Variants in DSCAML1 observed in about 807,000 individuals in gnomAD.
DSCAML1 encodes DS cell adhesion molecule like 1, also known as cell adhesion molecule DSCAML1.
A neutral mutation model predicts 200.5 loss-of-function variants in DSCAML1; 38 were observed. The observed-to-expected ratio is 0.19, with a 90% confidence interval of 0.15 to 0.25. DSCAML1 has a LOEUF of 0.25. DSCAML1 is among the 10% of genes least tolerant of loss of function. The pLI is 1.00. For synonymous variants in DSCAML1, 1,215 were observed against 1,165.0 expected (o/e 1.04, Z -0.87); for missense variants, 2,223 against 2,858.8 (o/e 0.78, Z 5.07).
intron 3 of DSCAML1, among the ~76,000 whole-genome samples, chr11:117,549,664 T>A (rs2050436342): frequency 3.9e-5 from 6 of 152,190 alleles, no homozygotes; most frequent in Admixed American, 2.6e-4. Context: ...CAGCTTCCCA[T>A]CCAACGTCTA....
At chr11:117,633,177 C>G (rs2052208863) in intron 3 of DSCAML1, among the ~76,000 whole-genome samples, 1 of 151,818 alleles carries the variant, frequency 6.6e-6, no homozygotes. Flanking sequence ...CAGTGTGTGT[C>G]TCTCTGTGGC....
intron 3 of DSCAML1, among the ~76,000 whole-genome samples, chr11:117,580,170 A>G (rs1216768009): frequency 6.6e-6 from 1 of 152,202 alleles, no homozygotes; most frequent in Non-Finnish European, 1.5e-5. Flanking sequence ...AGTAGGGAGG[A>G]AATGTACTCA....
intron 3 of DSCAML1, among the ~76,000 whole-genome samples, chr11:117,591,519 T>C (rs1283651862): frequency 6.6e-6 from 1 of 152,258 alleles, no homozygotes; most frequent in Non-Finnish European, 1.5e-5. Context: ...CTGCGAGTGC[T>C]ATGCGAGCCG....
Position 117,437,524 on chromosome 11 carries a change from A to C in DSCAML1, c.4433-115T>G, listed in dbSNP as rs1052394352. On this transcript the variant is annotated intron_variant, in intron 25 of 32. Coordinates refer to ENST00000651296, the MANE Select transcript of DSCAML1 (RefSeq NM_020693.4). The surrounding 1 kb of genome is among the most constrained non-coding windows in gnomAD (Gnocchi z 5.3). Reference sequence around the variant, plus strand: ...CAGCTGGGATGGCAGTGGCTCCAGGAGAATACATGTTTGGCACAGATGGGG... The same window carrying C: ...CAGCTGGGATGGCAGTGGCTCCAGGCGAATACATGTTTGGCACAGATGGGG... The C allele has an allele frequency of 6.2e-6, 8 of 1,282,016 alleles. No homozygotes were observed. The African/African-American group carries it at 1.2e-4, about 19-fold the overall frequency. The allele number at this position is 1,282,016 out of a possible 1,614,324, so 79.4% of individuals were successfully genotyped here.
chr11:117,431,055 G>C, intron 31 of DSCAML1, 22 bp from the exon 32 acceptor site: 1 of 1,591,602 alleles, frequency 6.3e-7, no homozygotes, highest in Non-Finnish European at 8.6e-7. Flanking sequence ...AGAGGAAAGG[G>C]GTGGGTTACG....
chr11:117,786,393 A>C (rs2055352352), intron 1 of DSCAML1, among the ~76,000 whole-genome samples: 1 of 152,234 alleles, frequency 6.6e-6, no homozygotes, highest in African/African-American at 2.4e-5. Flanking sequence ...TGGAAATAGC[A>C]CAGCAATATT....
intron 3 of DSCAML1, among the ~76,000 whole-genome samples, chr11:117,546,633 T>C (rs2011779752): frequency 6.6e-6 from 1 of 152,006 alleles, no homozygotes; most frequent in Non-Finnish European, 1.5e-5. Flanking sequence ...TTGGGGCAAC[T>C]GAGATCTAGA....
At chr11:117,434,832 C>G (rs1242299458) in intron 27 of DSCAML1, among the ~76,000 whole-genome samples, 3 of 152,242 alleles carry the variant, frequency 2.0e-5, no homozygotes, top group African/African-American at 7.2e-5. Flanking sequence ...ATTCATCCAT[C>G]CAATCATCAA....
chr11:117,773,664 G>A lies in DSCAML1; in HGVS notation c.511+3127C>T, dbSNP rs138892022. ...CTTTCATTTGCCAAAATTAAAGCATGTGGCATGTGGGCCCAAGTTCTGGTC... is the reference window on the plus strand; with the variant it reads ...CTTTCATTTGCCAAAATTAAAGCATATGGCATGTGGGCCCAAGTTCTGGTC... On this transcript the variant is annotated intron_variant, in intron 3 of 32. Transcript: ENST00000651296. Among the ~76,000 whole-genome samples the A allele has an allele frequency of 2.3e-3, 352 of 152,274 alleles. 3 individuals carry two copies. Among genetic ancestry groups the A allele is most frequent in the African/African-American group, 8.2e-3 (339 of 41,564 alleles).
chr11:117,684,629 C>T (rs1019829472), intron 3 of DSCAML1, among the ~76,000 whole-genome samples: 2 of 151,964 alleles, frequency 1.3e-5, no homozygotes, highest in African/African-American at 4.8e-5. Flanking sequence ...GGAGGTGGCC[C>T]CTCCTGTCTT....
chr11:117,615,234 C>A (rs995009813), intron 3 of DSCAML1, among the ~76,000 whole-genome samples: 2 of 152,134 alleles, frequency 1.3e-5, no homozygotes, highest in Admixed American at 6.5e-5. Flanking sequence ...ACGGAGGTGA[C>A]AATAATGTTG....
chr11:117,743,861 G>A (rs2054467950), intron 3 of DSCAML1, among the ~76,000 whole-genome samples: 1 of 152,204 alleles, frequency 6.6e-6, no homozygotes, highest in African/African-American at 2.4e-5. Context: ...TGGGGAGAAG[G>A]TGGTGCTCTC....
intron 11 of DSCAML1, among the ~76,000 whole-genome samples, chr11:117,501,466 C>T (rs1249009902): frequency 2.6e-5 from 4 of 152,168 alleles, no homozygotes; most frequent in African/African-American, 9.7e-5. Flanking sequence ...GACAGAGGCC[C>T]TGCCCCTGCC....
At chr11:117,761,944 A>G (rs538533911) in intron 3 of DSCAML1, among the ~76,000 whole-genome samples, 65 of 152,336 alleles carry the variant, frequency 4.3e-4, no homozygotes, top group African/African-American at 1.6e-3. Flanking sequence ...GTAGACTAAA[A>G]GAGTCAGTTA....
chr11:117,749,909 G>A (rs1333145703), intron 3 of DSCAML1, among the ~76,000 whole-genome samples: 3 of 152,224 alleles, frequency 2.0e-5, no homozygotes, highest in Non-Finnish European at 4.4e-5. Flanking sequence ...AATAGTGGAA[G>A]CCCAATCTGC....
intron 3 of DSCAML1, among the ~76,000 whole-genome samples, chr11:117,631,712 A>G (rs2052177673): frequency 6.6e-6 from 1 of 151,454 alleles, no homozygotes. Context: ...GTGTGTGTGT[A>G]TGCATGTCCC....
At chr11:117,666,896 C>T (rs539967169) in intron 3 of DSCAML1, among the ~76,000 whole-genome samples, 1 of 152,248 alleles carries the variant, frequency 6.6e-6, no homozygotes, top group African/African-American at 2.4e-5. Context: ...GGTAAGCTCT[C>T]CATAATGCAG....
chr11:117,444,124 G>A (rs1412794904), intron 20 of DSCAML1, 85 bp from the exon 21 acceptor site: 1 of 1,468,058 alleles, frequency 6.8e-7, no homozygotes, highest in Middle Eastern at 2.4e-4. Context: ...GGGGCTCAGA[G>A]GAGAGGATGG....
intron 1 of DSCAML1, among the ~76,000 whole-genome samples, chr11:117,790,402 T>C (rs1056646693): frequency 6.6e-6 from 1 of 152,220 alleles, no homozygotes; most frequent in African/African-American, 2.4e-5. Context: ...GGAAGACTAT[T>C]GCCAGCCTGG....
Sources: allele counts gnomAD v4.1 joint callset (sites outside exome capture counted in the v4.1 genomes callset), GRCh38; gene constraint gnomAD v4.1.1; non-coding constraint Gnocchi (gnomAD v3.1); transcripts MANE v1.5; gene names NCBI Gene and HGNC (gene_info 2026-07-23, HGNC 2026-07-21).